Variants in BRINP3 observed in about 807,000 individuals in gnomAD.
BRINP3 encodes BMP/retinoic acid inducible neural specific 3.
BRINP3 carries 19 observed loss-of-function variants against 71.0 expected under a neutral mutation model. The observed-to-expected ratio is 0.27, with a 90% CI of 0.19 to 0.39. The LOEUF (loss-of-function observed/expected upper bound fraction) is 0.39. Ranked by LOEUF, BRINP3 falls within the 10% of genes least tolerant of loss-of-function variation. The pLI is 1.00. For synonymous variants in BRINP3, 380 were observed against 337.7 expected (o/e 1.13, Z -1.37); for missense variants, 959 against 940.8 (o/e 1.02, Z -0.25).
chr1:190,240,470 A>G (rs1658955254), intron 4 of BRINP3, among the ~76,000 whole-genome samples: 1 of 152,094 alleles, frequency 6.6e-6, no homozygotes, highest in African/African-American at 2.4e-5. Flanking sequence ...TTCTTTTAAA[A>G]CAGTTTGTTT....
intron 1 of BRINP3, among the ~76,000 whole-genome samples, chr1:190,471,866 C>T (rs550947033): frequency 6.6e-6 from 1 of 151,434 alleles, no homozygotes; most frequent in East Asian, 1.9e-4. Flanking sequence ...CTATAAATAA[C>T]AACTAATATG....
intron 4 of BRINP3, among the ~76,000 whole-genome samples, chr1:190,246,719 G>A (rs1659647168): frequency 1.3e-5 from 2 of 151,992 alleles, no homozygotes. Context: ...TGAAATGTAG[G>A]AGCTGTTATT....
At chr1:190,219,750 A>G (rs1435959109) in intron 6 of BRINP3, among the ~76,000 whole-genome samples, 1 of 151,996 alleles carries the variant, frequency 6.6e-6, no homozygotes, top group Non-Finnish European at 1.5e-5. Flanking sequence ...AGGCAGGAGA[A>G]TCGCTTGAAC....
intron 2 of BRINP3, among the ~76,000 whole-genome samples, chr1:190,398,872 T>G (rs1055061526): frequency 2.6e-5 from 4 of 152,088 alleles, no homozygotes; most frequent in Admixed American, 1.3e-4. Flanking sequence ...GTTAAAAATT[T>G]TCTTCACCTT....
chr1:190,443,655 G>C (rs1217287427), intron 2 of BRINP3, among the ~76,000 whole-genome samples: 1 of 152,092 alleles, frequency 6.6e-6, no homozygotes, highest in Non-Finnish European at 1.5e-5. Flanking sequence ...AGTATCACAG[G>C]ACCTCCCTTT....
At chr1:190,191,300 G>GA (rs1026029636) in intron 6 of BRINP3, among the ~76,000 whole-genome samples, 1 of 151,700 alleles carries the variant, frequency 6.6e-6, no homozygotes, top group African/African-American at 2.4e-5. Context: ...GCTTCTAAAG[G>GA]AAAAAAATGG....
intron 2 of BRINP3, among the ~76,000 whole-genome samples, chr1:190,302,545 C>T (rs970505398): frequency 6.6e-6 from 1 of 151,732 alleles, no homozygotes; most frequent in Non-Finnish European, 1.5e-5. Context: ...ATATTGGACA[C>T]CTCTCAGTTA....
chr1:190,208,685 G>T (rs1655727550), intron 6 of BRINP3, among the ~76,000 whole-genome samples: 1 of 151,746 alleles, frequency 6.6e-6, no homozygotes, highest in Non-Finnish European at 1.5e-5. Context: ...AGTAGAGACG[G>T]GATTTCACCA....
At chr1:190,310,800 C>G (rs886223666) in intron 2 of BRINP3, among the ~76,000 whole-genome samples, 4 of 151,688 alleles carry the variant, frequency 2.6e-5, no homozygotes. Flanking sequence ...AAATCAGAGT[C>G]ACTTATTACA....
chr1:190,338,365 G>T (rs1171084301), intron 2 of BRINP3, among the ~76,000 whole-genome samples: 2 of 151,938 alleles, frequency 1.3e-5, no homozygotes, highest in South Asian at 2.1e-4. Context: ...ATGTAAATTT[G>T]TTATTTTTTT....
intron 2 of BRINP3, among the ~76,000 whole-genome samples, chr1:190,428,338 A>G (rs771777991): frequency 3.9e-5 from 6 of 152,038 alleles, no homozygotes; most frequent in Admixed American, 6.6e-5. Flanking sequence ...ACTAAAATAT[A>G]CTATGAATAA....
At position 190,341,125 on chromosome 1, in the gene BRINP3, T is replaced by C. The variant is rs532493668; in HGVS notation, c.237-59375A>G. 9.2e-5 allele frequency among the ~76,000 whole-genome samples: 14 copies of C among 151,892 alleles called. No individual in the cohort carries two copies. In the South Asian group the frequency reaches 2.5e-3, roughly 27 times the overall value. On this transcript the variant is annotated intron_variant, in intron 2 of 7. Transcript: ENST00000367462. ...ATCCGTGGTCCAGTCATCTGGAATT[T>C]AGAAGATCCATTACCATCACACTTC...
At chr1:190,448,700 G>C (rs148025662) in intron 2 of BRINP3, among the ~76,000 whole-genome samples, 4 of 151,688 alleles carry the variant, frequency 2.6e-5, no homozygotes, top group African/African-American at 9.7e-5. Context: ...CACATTCAAA[G>C]AAATTTTTAA....
At position 190,296,826 on chromosome 1, in the gene BRINP3, G is replaced by C. The variant is rs139724437; in HGVS notation, c.237-15076C>G. On this transcript the variant is annotated intron_variant, in intron 2 of 7. Coordinates refer to ENST00000367462, the MANE Select transcript of BRINP3 (RefSeq NM_199051.3). Reference sequence around the variant, plus strand: ...GCGATAGCATAAAAAAGAATAAAAGGCTTAGGAGTAAATTTAACCAAATAA... The same window carrying C: ...GCGATAGCATAAAAAAGAATAAAAGCCTTAGGAGTAAATTTAACCAAATAA... Among the ~76,000 whole-genome samples the C allele has an allele frequency of 6.5e-3, 994 of 151,996 alleles. 5 individuals carry two copies. The highest frequency in any genetic ancestry group is 0.021 in the African/African-American group (882 of 41,476).
chr1:190,457,739 A>T (rs1260603074), intron 1 of BRINP3, among the ~76,000 whole-genome samples: 1 of 152,138 alleles, frequency 6.6e-6, no homozygotes, highest in African/African-American at 2.4e-5. Context: ...GTACTCACAC[A>T]TGTGATTTTT....
At chr1:190,378,708 G>A (rs1393280482) in intron 2 of BRINP3, among the ~76,000 whole-genome samples, 1 of 152,152 alleles carries the variant, frequency 6.6e-6, no homozygotes, top group Non-Finnish European at 1.5e-5. Context: ...GTTCTATCCA[G>A]TAAATTTTTT....
intron 7 of BRINP3, among the ~76,000 whole-genome samples, chr1:190,136,219 T>C (rs1310754116): frequency 2.0e-5 from 3 of 152,096 alleles, no homozygotes; most frequent in Non-Finnish European, 4.4e-5. Context: ...TTTTTGAAAA[T>C]TTTCTTTATA....
intron 2 of BRINP3, among the ~76,000 whole-genome samples, chr1:190,386,332 A>G (rs777419102): frequency 1.3e-5 from 2 of 151,756 alleles, no homozygotes; most frequent in Non-Finnish European, 2.9e-5. Flanking sequence ...ACTAAAATCA[A>G]TGCTGCAGGT....
In BRINP3 at chr1:190,477,539, A is replaced by C. The variant is rs896563444; in HGVS notation, c.-142T>G. 6.6e-6 allele frequency: 1 copy of C among 152,244 alleles called. No homozygotes were observed. Among genetic ancestry groups the C allele is most frequent in the African/African-American group, 2.4e-5 (1 of 41,462 alleles). 9.4% of individuals were successfully genotyped at this position (152,244 alleles called of 1,614,324 possible). ...ATGATCTTCCAAATCAAGGTAAAGT[A>C]GTGAGCTGCAGGGTAGTAGGACTTT... On this transcript the variant is annotated 5_prime_UTR_variant, in exon 1 of 8. Transcript: ENST00000367462.
Sources: gnomAD v4.1 joint callset for allele counts (sites outside exome capture counted in the v4.1 genomes callset) on GRCh38, gnomAD v4.1.1 for gene constraint, MANE v1.5 for transcripts, NCBI Gene and HGNC (gene_info 2026-07-23, HGNC 2026-07-21) for gene names.